Variants in EPB41L5 observed in about 807,000 individuals in gnomAD.
The protein encoded by EPB41L5 is band 4.1-like protein 5.
In EPB41L5, 55 loss-of-function variants were observed where a neutral mutation model predicts 106.6. The observed-to-expected ratio is 0.52, with a 90% confidence interval of 0.42 to 0.65. The LOEUF is 0.65. Ranked by LOEUF, EPB41L5 falls within the 30% of genes least tolerant of loss-of-function variation. The pLI, the probability that EPB41L5 is intolerant of heterozygous loss-of-function variation, is 0.00. For synonymous variants in EPB41L5, 297 were observed against 306.7 expected (o/e 0.97, Z 0.33); for missense variants, 871 against 882.1 (o/e 0.99, Z 0.16).
intron 16 of EPB41L5, among the ~76,000 whole-genome samples, chr2:120,103,104 A>G (rs1367514641): frequency 6.6e-6 from 1 of 152,194 alleles, no homozygotes; most frequent in Non-Finnish European, 1.5e-5. Context: ...TCCCTAAGGG[A>G]TAAAGGTGAA....
At chr2:120,045,020 C>A (rs550953781) in intron 3 of EPB41L5, among the ~76,000 whole-genome samples, 2 of 152,222 alleles carry the variant, frequency 1.3e-5, no homozygotes, top group Admixed American at 1.3e-4. Flanking sequence ...TGTTGTGTGG[C>A]CATATTCAAC....
Position 120,127,709 on chromosome 2 carries a change from G to T in EPB41L5, c.1359G>T (p.Leu453Phe). 1 of 1,606,162 alleles carries T rather than the reference G, an allele frequency of 6.2e-7. No homozygotes were observed. The highest frequency in any genetic ancestry group is 1.1e-5 in the South Asian group (1 of 89,510). The change falls in exon 17 of 25, where the codon TTG becomes TTT. Residue 453 changes from leucine (L) to phenylalanine (F), a missense_variant. By Grantham distance (22) the Leu-to-Phe change is conservative. Coordinates refer to ENST00000263713, the MANE Select transcript of EPB41L5 (RefSeq NM_020909.4). ...DRKCIPLNID[L>F]LNSPDLLEAT... Reference sequence around the variant, plus strand: ...GCAGCATTCCTCTGAATATTGATTTGCTGAATAGCCCAGACTTATTGGAAG... The same window carrying T: ...GCAGCATTCCTCTGAATATTGATTTTCTGAATAGCCCAGACTTATTGGAAG...
intron 1 of EPB41L5, chr2:120,013,625 T>C (rs1461746582): frequency 2.0e-5 from 3 of 152,120 alleles, no homozygotes; most frequent in African/African-American, 7.2e-5. Flanking sequence ...CTTGGTGGAC[T>C]TTTCGAGCTA....
chr2:120,089,501 C>G (rs1370416048), intron 11 of EPB41L5, among the ~76,000 whole-genome samples: 2 of 152,056 alleles, frequency 1.3e-5, no homozygotes, highest in East Asian at 1.9e-4. Context: ...CTATGTAGAT[C>G]TAACATATAT....
chr2:120,085,257 C>T (rs1408897113), intron 10 of EPB41L5, among the ~76,000 whole-genome samples: 1 of 152,152 alleles, frequency 6.6e-6, no homozygotes, highest in African/African-American at 2.4e-5. Context: ...GTGGTTTTAT[C>T]TACCTTTGGT....
At chr2:120,093,164 ATTAG>A (rs934918275) in intron 13 of EPB41L5, 81 bp from the exon 14 acceptor site, 27 of 1,053,956 alleles carry the variant, frequency 2.6e-5, no homozygotes, top group Admixed American at 1.4e-4. Context: ...TTGTAAAGCA[ATTAG>A]TTAAAGTTTT....
At chr2:120,156,360 A>G (rs542548944) in intron 20 of EPB41L5, among the ~76,000 whole-genome samples, 186 of 152,200 alleles carry the variant, frequency 1.2e-3, no homozygotes, top group African/African-American at 4.2e-3. Context: ...CCCCACGGCC[A>G]TGCACCAGCC....
At chr2:120,106,646 CTTAA>C (rs1181541739) in intron 16 of EPB41L5, 72 of 984,372 alleles carry the variant, frequency 7.3e-5, no homozygotes, top group East Asian at 2.3e-4. Context: ...TTTTATTTAA[CTTAA>C]TTAATTTAAC....
At chr2:120,069,128 CAAAAAAAAAAAAA>C (rs539813602) in intron 3 of EPB41L5, among the ~76,000 whole-genome samples, 32 of 79,528 alleles carry the variant, frequency 4.0e-4, no homozygotes, top group African/African-American at 1.8e-3. Context: ...AACTCTGTCT[CAAAAAAAAAAAAA>C]AAAAAAAAAA....
intron 3 of EPB41L5, among the ~76,000 whole-genome samples, chr2:120,056,698 G>A (rs1680678105): frequency 4.0e-5 from 6 of 149,310 alleles, no homozygotes; most frequent in Non-Finnish European, 8.9e-5. Flanking sequence ...TGGTTTGGGT[G>A]TAATGCTGGT....
chr2:120,154,151 G>GTATT (rs921015199), intron 20 of EPB41L5, among the ~76,000 whole-genome samples: 15 of 146,866 alleles, frequency 1.0e-4, no homozygotes, highest in Admixed American at 2.7e-4. Context: ...TTCCCTATAT[G>GTATT]TATTTATTTA....
chr2:120,141,924 G>A (rs1414444728), intron 18 of EPB41L5, among the ~76,000 whole-genome samples: 1 of 151,996 alleles, frequency 6.6e-6, no homozygotes, highest in Admixed American at 6.6e-5. Flanking sequence ...GACCAAGGAA[G>A]TAGCAAGTTT....
chr2:120,055,009 G>T (rs1207852922), intron 3 of EPB41L5, among the ~76,000 whole-genome samples: 2 of 151,570 alleles, frequency 1.3e-5, no homozygotes, highest in Non-Finnish European at 2.9e-5. Context: ...TGGGACTACA[G>T]GCATGCACCA....
intron 18 of EPB41L5, among the ~76,000 whole-genome samples, chr2:120,142,120 A>ATTTT (rs759997874): frequency 1.5e-3 from 217 of 141,216 alleles, no homozygotes; most frequent in African/African-American, 2.1e-3. Context: ...TTTTAAAAAA[A>ATTTT]AAAAAAAAAA....
chr2:120,097,132 C>T (rs1683809065), intron 14 of EPB41L5, among the ~76,000 whole-genome samples: 1 of 152,044 alleles, frequency 6.6e-6, no homozygotes, highest in African/African-American at 2.4e-5. Flanking sequence ...ATGTTGGTGT[C>T]TCTTCATTAG....
intron 16 of EPB41L5, 73 bp from the exon 17 acceptor site, chr2:120,127,615 C>A: frequency 8.1e-7 from 1 of 1,241,436 alleles, no homozygotes; most frequent in Non-Finnish European, 1.1e-6. Context: ...ATTGCAGATA[C>A]AGAGGGTGAG....
intron 24 of EPB41L5, among the ~76,000 whole-genome samples, chr2:120,172,642 T>G (rs1687726992): frequency 6.6e-6 from 1 of 152,200 alleles, no homozygotes; most frequent in Admixed American, 6.5e-5. Flanking sequence ...TACTGGAAGA[T>G]GTGTTCCATC....
chr2:120,165,539 C>CA (rs1251974082), intron 22 of EPB41L5, among the ~76,000 whole-genome samples: 2 of 152,128 alleles, frequency 1.3e-5, no homozygotes, highest in African/African-American at 4.8e-5. Context: ...TGCACATGTT[C>CA]AGTACAGACA....
chr2:120,148,993 G>A (rs1173256845), intron 20 of EPB41L5, among the ~76,000 whole-genome samples: 2 of 152,088 alleles, frequency 1.3e-5, no homozygotes, highest in African/African-American at 4.8e-5. Context: ...AATGTATGAG[G>A]ATTCCAATTT....
Sources: allele counts gnomAD v4.1 joint callset (sites outside exome capture counted in the v4.1 genomes callset), GRCh38; gene constraint gnomAD v4.1.1; transcripts MANE v1.5; gene names NCBI Gene and HGNC (gene_info 2026-07-23, HGNC 2026-07-21).